GAPVD1: variants seen among roughly 807,000 people sequenced by gnomAD.
The protein encoded by GAPVD1 is GTPase-activating protein and VPS9 domain-containing protein 1.
GAPVD1 carries 35 observed loss-of-function variants against 155.5 expected under a neutral mutation model. The observed-to-expected ratio is 0.23, with a 90% CI of 0.17 to 0.30. The LOEUF is 0.30. Ranked by LOEUF, GAPVD1 falls within the 10% of genes least tolerant of loss-of-function variation. GAPVD1 has a pLI of 1.00. For synonymous variants in GAPVD1, 636 were observed against 619.7 expected (o/e 1.03, Z -0.39); for missense variants, 1,429 against 1,775.7 (o/e 0.80, Z 3.51).
intron 8 of GAPVD1, chr9:125,309,342 G>A (rs897497393): frequency 2.0e-5 from 3 of 149,488 alleles, no homozygotes; most frequent in Non-Finnish European, 3.0e-5. Context: ...TTTGTTTTTT[G>A]TTTTTTTTTG....
chr9:125,270,538 G>A (rs761833225), intron 2 of GAPVD1, among the ~76,000 whole-genome samples: 1 of 152,176 alleles, frequency 6.6e-6, no homozygotes, highest in African/African-American at 2.4e-5. Context: ...TTTCAGAAGG[G>A]TGGTTATTTT....
At chr9:125,305,944 TG>T (rs1841725044) in intron 6 of GAPVD1, among the ~76,000 whole-genome samples, 1 of 152,140 alleles carries the variant, frequency 6.6e-6, no homozygotes, top group Non-Finnish European at 1.5e-5. Context: ...TCAGCCACCA[TG>T]CCTGGTCGAT....
intron 6 of GAPVD1, among the ~76,000 whole-genome samples, chr9:125,306,913 T>C (rs775999025): frequency 5.3e-5 from 8 of 152,180 alleles, no homozygotes; most frequent in Admixed American, 1.3e-4. Context: ...ACGGATCACT[T>C]GAACTCAGAA....
intron 9 of GAPVD1, among the ~76,000 whole-genome samples, chr9:125,316,246 G>A (rs961566987): frequency 1.3e-5 from 2 of 151,980 alleles, no homozygotes; most frequent in African/African-American, 4.8e-5. Flanking sequence ...GGATACATGT[G>A]CAGAACGTGC....
chr9:125,336,237 AT>A (rs1846935009), intron 15 of GAPVD1, among the ~76,000 whole-genome samples: 1 of 151,840 alleles, frequency 6.6e-6, no homozygotes, highest in Non-Finnish European at 1.5e-5. Context: ...AAAAGTAAAA[AT>A]CAAAAGGCAT....
chr9:125,281,920 C>T (rs1014226149), intron 2 of GAPVD1, among the ~76,000 whole-genome samples: 1 of 151,814 alleles, frequency 6.6e-6, no homozygotes, highest in African/African-American at 2.4e-5. Context: ...CTGGTTCAAG[C>T]GATTCTTCTG....
At chr9:125,263,496 T>C in intron 1 of GAPVD1, 1 of 718,552 alleles carries the variant, frequency 1.4e-6, no homozygotes, top group South Asian at 1.5e-5. Flanking sequence ...ATAAGGTTTT[T>C]TGGATTTATA....
Position 125,333,791 on chromosome 9 carries a change from T to C in GAPVD1, c.2428+1162T>C, listed in dbSNP as rs537185711. On this transcript the variant is annotated intron_variant, in intron 15 of 27. Transcript: ENST00000297933. ...GCATGAGCCACCGCGCTCTGCGAGG[T>C]ACTTTTTCTATTTTTACAATTTTTT... Among the ~76,000 whole-genome samples, 4 of 152,270 alleles carry C rather than the reference T, an allele frequency of 2.6e-5. No individual in the cohort carries two copies. The South Asian group carries it at 8.3e-4, about 32-fold the overall frequency.
intron 26 of GAPVD1, 82 bp from the exon 27 acceptor site, chr9:125,360,446 T>C: frequency 9.4e-7 from 1 of 1,069,472 alleles, no homozygotes; most frequent in Non-Finnish European, 1.4e-6. Flanking sequence ...ATCCTCTGCC[T>C]CCTGACACGG....
intron 15 of GAPVD1, among the ~76,000 whole-genome samples, chr9:125,335,659 G>C (rs955377054): frequency 6.6e-6 from 1 of 152,104 alleles, no homozygotes; most frequent in Non-Finnish European, 1.5e-5. Context: ...CCTGGTGACA[G>C]AGTGAGACTC....
rs1416246894 is a variant in GAPVD1, at chr9:125,331,974, G to T, written c.2222G>T (p.Cys741Phe). 3 of 1,613,910 alleles carry T rather than the reference G, an allele frequency of 1.9e-6. No homozygotes were observed. The highest frequency in any genetic ancestry group is 2.7e-5 in the African/African-American group (2 of 74,926). Residue 741 changes from cysteine to phenylalanine, a missense_variant, in exon 14 of 28, where the codon TGT (cysteine) becomes TTT (phenylalanine). Physicochemically the swap from Cys to Phe is radical, Grantham distance 205 (BLOSUM62 -2). Around this residue, in one of 4 missense-constraint regions of GAPVD1, gnomAD observed 699 missense variants for 826.0 expected, o/e 0.85. Transcript: ENST00000297933. ...GAGCGTCTGCAAGAACTGGAGAGCT[G>T]TTCTGGACTGGGTAGCACATCTGAT... is the stretch of plus-strand genomic sequence containing the variant. ...QEERLQELES[C>F]SGLGSTSDDT... is the part of the protein sequence containing the mutation.
chr9:125,304,316 C>T (rs540833428), intron 5 of GAPVD1, among the ~76,000 whole-genome samples: 55 of 152,320 alleles, frequency 3.6e-4, no homozygotes, highest in African/African-American at 1.3e-3. Flanking sequence ...CTATTTTGGC[C>T]TCTCAAAGTG....
chr9:125,298,675 G>A (rs1353026089), intron 3 of GAPVD1, among the ~76,000 whole-genome samples: 1 of 151,720 alleles, frequency 6.6e-6, no homozygotes, highest in African/African-American at 2.4e-5. Context: ...TTTTAGTAGA[G>A]ACAGGGGTTT....
Position 125,312,514 on chromosome 9 carries a change from T to C in GAPVD1, c.1504T>C (p.Ser502Pro), listed in dbSNP as rs747043980. Residue 502 changes from serine (S) to proline (P), a missense_variant, in exon 9 of 28, where the codon TCT (serine) becomes CCT (proline). Ser to Pro is a moderately conservative substitution (Grantham distance 74). Transcript: ENST00000297933. ...MDLHMDHEGS[S>P]QETIQEVQPE... ...CCTACATATGGACCATGAAGGATCA[T>C]CTCAAGAAACCATTCAGGAGGTGCA... is the stretch of plus-strand genomic sequence containing the variant. The C allele has an allele frequency of 1.2e-6, 2 of 1,610,324 alleles. No homozygotes were observed. Among genetic ancestry groups the C allele is most frequent in the Non-Finnish European group, 1.7e-6 (2 of 1,178,070 alleles).
At chr9:125,311,306 CA>C (rs918492608) in intron 8 of GAPVD1, among the ~76,000 whole-genome samples, 10 of 152,160 alleles carry the variant, frequency 6.6e-5, no homozygotes, top group South Asian at 2.1e-4. Flanking sequence ...TAATGCATTT[CA>C]GGGGGGGAAG....
At chr9:125,262,570 C>A (rs952744558) in intron 1 of GAPVD1, among the ~76,000 whole-genome samples, 5 of 152,098 alleles carry the variant, frequency 3.3e-5, no homozygotes, top group African/African-American at 1.2e-4. Flanking sequence ...GAAGTACACC[C>A]AGGGTTCTGT....
chr9:125,302,176 A>G lies in GAPVD1; in HGVS notation c.379A>G (p.Ser127Gly). The G allele has an allele frequency of 6.2e-7, 1 of 1,613,788 alleles. No individual in the cohort carries two copies. The highest frequency in any genetic ancestry group is 1.7e-5 in the Admixed American group (1 of 59,996). ...GEKLNQENTQSVIYTVFTSLY... is the reference protein window; with the variant it reads ...GEKLNQENTQGVIYTVFTSLY... Reference sequence around the variant, plus strand: ...GAAACTTAATCAGGAGAACACACAAAGTGTTATTTACACAGTTTTTACCTC... The same window carrying G: ...GAAACTTAATCAGGAGAACACACAAGGTGTTATTTACACAGTTTTTACCTC... Residue 127 changes from serine (S) to glycine (G), a missense_variant, in exon 5 of 28, where the codon AGT becomes GGT. By Grantham distance (56) the Ser-to-Gly change is moderately conservative. Transcript: ENST00000297933.
chr9:125,296,667 T>TTTC lies in GAPVD1; in HGVS notation c.-33+1093_-33+1094insTTC, dbSNP rs1318037783. On this transcript the variant is annotated intron_variant, in intron 3 of 27. Coordinates refer to ENST00000297933, the MANE Select transcript of GAPVD1 (RefSeq NM_001282680.3). ...CTGTGCCTGGCCTTTTTTTTTTTTT[T>TTTC]CTCCTATTTTTTTGGAGACAGTCTC... Among the ~76,000 whole-genome samples the TTTC allele has an allele frequency of 2.0e-4, 27 of 136,110 alleles. 1 individual carries two copies. The highest frequency in any genetic ancestry group is 2.8e-4 in the African/African-American group (10 of 35,546). 89.3% of individuals were successfully genotyped at this position (136,110 alleles called of 152,430 possible). A position where few individuals can be genotyped will look rare whatever the true frequency, so the allele number is the denominator to read the frequency against.
intron 2 of GAPVD1, among the ~76,000 whole-genome samples, chr9:125,280,213 A>G (rs968682202): frequency 6.6e-6 from 1 of 150,934 alleles, no homozygotes; most frequent in East Asian, 2.0e-4. Context: ...CCTGACCAAC[A>G]TGGAGAAACC....
Sources: gnomAD v4.1 joint callset for allele counts (sites outside exome capture counted in the v4.1 genomes callset) on GRCh38, gnomAD v4.1.1 for gene constraint, gnomAD v4.1.1 regional missense constraint, MANE v1.5 for transcripts, NCBI Gene and HGNC (gene_info 2026-07-23, HGNC 2026-07-21) for gene names.